NAV3: variants seen among roughly 807,000 people sequenced by gnomAD.
NAV3 encodes pore membrane and/or filament interacting like protein 1.
In NAV3, 87 loss-of-function variants were observed where a neutral mutation model predicts 244.7. That is an observed-to-expected ratio of 0.36 (90% CI 0.30 to 0.42). The LOEUF (loss-of-function observed/expected upper bound fraction) is 0.42, where lower values mean the gene tolerates loss of function less well. Among genes scored for constraint, NAV3 ranks in the 20% least tolerant of loss-of-function variants. The pLI is 1.00. For synonymous variants in NAV3, 1,126 were observed against 1,042.2 expected (o/e 1.08, Z -1.55); for missense variants, 2,663 against 2,893.3 (o/e 0.92, Z 1.83).
chr12:77,736,310 G>A (rs1042811931), intron 2 of NAV3, among the ~76,000 whole-genome samples: 1 of 152,122 alleles, frequency 6.6e-6, no homozygotes, highest in Non-Finnish European at 1.5e-5. Context: ...AACTGTTTCA[G>A]TTTTCTATTA....
intron 9 of NAV3, among the ~76,000 whole-genome samples, chr12:78,023,082 T>C (rs778818790): frequency 1.2e-4 from 18 of 152,288 alleles, no homozygotes; most frequent in Non-Finnish European, 2.1e-4. Context: ...GACCAGATGT[T>C]TTATAAAATT....
chr12:78,068,878 G>A (rs900493320), intron 12 of NAV3, among the ~76,000 whole-genome samples: 5 of 151,622 alleles, frequency 3.3e-5, no homozygotes, highest in Non-Finnish European at 7.4e-5. Flanking sequence ...TTCATGATGA[G>A]AGATATCCTA....
chr12:77,727,357 C>A (rs1012535431), intron 2 of NAV3, among the ~76,000 whole-genome samples: 1 of 151,732 alleles, frequency 6.6e-6, no homozygotes, highest in Non-Finnish European at 1.5e-5. Context: ...TAGACAGCAA[C>A]CATAGGCATG....
At chr12:77,737,623 A>T (rs1451709019) in intron 2 of NAV3, among the ~76,000 whole-genome samples, 2 of 152,194 alleles carry the variant, frequency 1.3e-5, no homozygotes, top group Non-Finnish European at 2.9e-5. Flanking sequence ...ACCAAACCTG[A>T]TAATGTAATA....
chr12:77,649,135 A>G (rs1188252725), intron 2 of NAV3, among the ~76,000 whole-genome samples: 1 of 152,136 alleles, frequency 6.6e-6, no homozygotes, highest in East Asian at 1.9e-4. Context: ...GAGAGACCAC[A>G]CTGCTCACAG....
At chr12:78,177,450 T>C in intron 27 of NAV3, 137 bp downstream of exon 27, 2 of 1,162,344 alleles carry the variant, frequency 1.7e-6, no homozygotes, top group Admixed American at 2.7e-5. Flanking sequence ...TTAGTTTCTC[T>C]TTTCATATTT....
intron 30 of NAV3, among the ~76,000 whole-genome samples, chr12:78,184,286 C>T (rs1042022654): frequency 3.3e-5 from 5 of 151,776 alleles, no homozygotes; most frequent in African/African-American, 2.4e-5. Context: ...AAGACAAGTA[C>T]TAAAGTAATT....
At chr12:77,966,394 C>T in intron 4 of NAV3, 93 bp downstream of exon 4, 1 of 1,033,622 alleles carries the variant, frequency 9.7e-7, no homozygotes, top group Non-Finnish European at 1.4e-6. Context: ...GAGTATACGT[C>T]TCCTTAATAT....
At position 78,179,688 on chromosome 12, in the gene NAV3, T is replaced by C. The variant is rs1958416862; in HGVS notation, c.5517+6T>C. 6.2e-7 allele frequency: 1 copy of C among 1,602,420 alleles called. No homozygotes were observed. The highest frequency in any genetic ancestry group is 8.5e-7 in the Non-Finnish European group (1 of 1,174,438). ...AAGCCATGAACCGGATGCAGGTTGG[T>C]ACTGAAGCACTTTCAAGGAATAAAA... is the stretch of plus-strand genomic sequence containing the variant. On this transcript the variant is annotated splice_donor_region_variant and intron_variant, in intron 29 of 39. Coordinates refer to ENST00000397909, the MANE Select transcript of NAV3 (RefSeq NM_001024383.2).
chr12:77,872,615 C>G (rs1390973765), intron 1 of NAV3, among the ~76,000 whole-genome samples: 1 of 152,094 alleles, frequency 6.6e-6, no homozygotes, highest in East Asian at 1.9e-4. Context: ...CCCAGGGAAT[C>G]AAGGAAATGT....
chr12:78,184,336 T>C (rs1402922185), intron 30 of NAV3, among the ~76,000 whole-genome samples: 4 of 151,966 alleles, frequency 2.6e-5, no homozygotes, highest in African/African-American at 4.8e-5. Flanking sequence ...GAATAGCCAA[T>C]GGTAAACCAC....
At chr12:78,100,478 C>A (rs1410091893) in intron 12 of NAV3, among the ~76,000 whole-genome samples, 1 of 151,978 alleles carries the variant, frequency 6.6e-6, no homozygotes, top group Non-Finnish European at 1.5e-5. Context: ...ATTTTTACCA[C>A]AAAATATATC....
intron 22 of NAV3, among the ~76,000 whole-genome samples, chr12:78,154,256 T>TATAATATATATTATATATTACTAG (rs1957192978): frequency 7.8e-6 from 1 of 128,424 alleles, no homozygotes; most frequent in Admixed American, 8.8e-5. Context: ...TATATTACTA[T>TATAATATATATTATATATTACTAG]ATAATATATA....
At chr12:77,643,015 T>G (rs1247295608) in intron 2 of NAV3, among the ~76,000 whole-genome samples, 1 of 152,056 alleles carries the variant, frequency 6.6e-6, no homozygotes, top group Non-Finnish European at 1.5e-5. Flanking sequence ...CTATATCCAT[T>G]AAGTTTCATG....
At chr12:77,839,878 G>A (rs1449320838) in intron 1 of NAV3, among the ~76,000 whole-genome samples, 1 of 152,104 alleles carries the variant, frequency 6.6e-6, no homozygotes, top group African/African-American at 2.4e-5. Flanking sequence ...ATCTAGACCA[G>A]CCTGGCCAAC....
At chr12:78,189,941 T>A in intron 33 of NAV3, 43 bp from the exon 34 acceptor site, 1 of 1,427,340 alleles carries the variant, frequency 7.0e-7, no homozygotes, top group Non-Finnish European at 9.9e-7. Flanking sequence ...TTCTAGCTTA[T>A]GTAGAACAAT....
At chr12:77,596,729 A>G (rs1252837074) in intron 2 of NAV3, among the ~76,000 whole-genome samples, 2 of 152,190 alleles carry the variant, frequency 1.3e-5, no homozygotes, top group East Asian at 3.8e-4. Flanking sequence ...TCTATAATGT[A>G]CAGAGATAAC....
At chr12:77,586,285 A>G (rs1269242679) in intron 2 of NAV3, among the ~76,000 whole-genome samples, 1 of 152,180 alleles carries the variant, frequency 6.6e-6, no homozygotes, top group African/African-American at 2.4e-5. Context: ...GAGAAACTTT[A>G]TTTTTGATGC....
At chr12:78,010,304 C>G (rs1875041539) in intron 8 of NAV3, among the ~76,000 whole-genome samples, 1 of 152,190 alleles carries the variant, frequency 6.6e-6, no homozygotes, top group Middle Eastern at 3.4e-3. Flanking sequence ...ATGTAAGAAT[C>G]CCTCCTATAA....
Sources: allele counts gnomAD v4.1 joint callset (sites outside exome capture counted in the v4.1 genomes callset), GRCh38; gene constraint gnomAD v4.1.1; transcripts MANE v1.5; gene names NCBI Gene and HGNC (gene_info 2026-07-23, HGNC 2026-07-21).